The following NTM variants were observed in gnomAD, a reference collection of about 807,000 sequenced individuals.
NTM encodes the protein IgLON family member 2.
NTM carries 13 observed loss-of-function variants against 42.1 expected under a neutral mutation model. That is an observed-to-expected ratio of 0.31 (90% CI 0.20 to 0.49). The LOEUF (loss-of-function observed/expected upper bound fraction) is 0.49, where lower values mean the gene tolerates loss of function less well. Ranked by LOEUF, NTM falls within the 20% of genes least tolerant of loss-of-function variation. The pLI, the probability that NTM is intolerant of heterozygous loss-of-function variation, is 0.99. For synonymous variants in NTM, 187 were observed against 179.2 expected (o/e 1.04, Z -0.35); for missense variants, 373 against 452.8 (o/e 0.82, Z 1.60).
intron 1 of NTM, among the ~76,000 whole-genome samples, chr11:131,772,630 T>C (rs147710444): frequency 2.1e-4 from 32 of 152,290 alleles, no homozygotes; most frequent in Non-Finnish European, 3.5e-4. Flanking sequence ...CTTCCAAGTC[T>C]CTAGATGAAG....
At chr11:131,738,572 CA>C (rs1416533006) in intron 1 of NTM, among the ~76,000 whole-genome samples, 1 of 152,204 alleles carries the variant, frequency 6.6e-6, no homozygotes, top group Non-Finnish European at 1.5e-5. Flanking sequence ...GAGGAATTTT[CA>C]GGGAAACTGT....
intron 1 of NTM, among the ~76,000 whole-genome samples, chr11:131,659,518 GATA>G (rs2067670461): frequency 6.6e-6 from 1 of 152,190 alleles, no homozygotes; most frequent in African/African-American, 2.4e-5. Flanking sequence ...CACTGCTTGT[GATA>G]ATACCAACTC....
At chr11:131,620,759 C>G (rs1031664178) in intron 1 of NTM, among the ~76,000 whole-genome samples, 2 of 152,144 alleles carry the variant, frequency 1.3e-5, no homozygotes, top group African/African-American at 2.4e-5. Context: ...CTTCATAACA[C>G]GTAGTGCTCT....
chr11:132,000,181 C>T (rs2068916242), intron 2 of NTM, among the ~76,000 whole-genome samples: 1 of 152,162 alleles, frequency 6.6e-6, no homozygotes, highest in African/African-American at 2.4e-5. Flanking sequence ...CAGACAGTCC[C>T]TGCCTTTCCC....
intron 2 of NTM, among the ~76,000 whole-genome samples, chr11:132,020,083 A>G (rs1284455644): frequency 1.3e-5 from 2 of 152,068 alleles, no homozygotes; most frequent in African/African-American, 2.4e-5. Flanking sequence ...GAGAATAGGC[A>G]ATATTTGATT....
intron 1 of NTM, chr11:131,877,700 T>C (rs1446489828): frequency 6.6e-6 from 1 of 152,246 alleles, no homozygotes; most frequent in Non-Finnish European, 1.5e-5. Flanking sequence ...TTATTACTCA[T>C]CTTGATGACA....
intron 1 of NTM, among the ~76,000 whole-genome samples, chr11:131,580,823 T>C (rs2058342229): frequency 6.6e-6 from 1 of 152,210 alleles, no homozygotes; most frequent in African/African-American, 2.4e-5. Flanking sequence ...AAAAAGAATC[T>C]TTTTTAGTCC....
chr11:131,846,029 C>G (rs1026108540), intron 1 of NTM, among the ~76,000 whole-genome samples: 1 of 152,136 alleles, frequency 6.6e-6, no homozygotes, highest in Admixed American at 6.5e-5. Context: ...TCTTCTGTGT[C>G]TAATTATGGT....
chr11:132,306,874 C>T (rs886159451), intron 4 of NTM, among the ~76,000 whole-genome samples: 1 of 152,160 alleles, frequency 6.6e-6, no homozygotes, highest in Non-Finnish European at 1.5e-5. Flanking sequence ...ATATCTTGGT[C>T]TTTCAATAAC....
At chr11:132,238,132 C>T (rs573662407) in intron 4 of NTM, among the ~76,000 whole-genome samples, 1 of 152,256 alleles carries the variant, frequency 6.6e-6, no homozygotes, top group South Asian at 2.1e-4. Context: ...CTAAATCACT[C>T]TTAACCTGGA....
At chr11:131,776,399 C>A (rs569382643) in intron 1 of NTM, among the ~76,000 whole-genome samples, 23 of 152,304 alleles carry the variant, frequency 1.5e-4, no homozygotes, top group Admixed American at 7.2e-4. Flanking sequence ...AGCATTCTGG[C>A]TCTTTCCTGC....
At position 132,210,155 on chromosome 11, in the gene NTM, T is replaced by C. The variant is rs575065542; in HGVS notation, c.401-1867T>C. Reference sequence around the variant, plus strand: ...GGGCTCTCCGGCAGGCCCGATCACATTGTAAGCCAGGTGGATGGTGTGCTT... The same window carrying C: ...GGGCTCTCCGGCAGGCCCGATCACACTGTAAGCCAGGTGGATGGTGTGCTT... On this transcript the variant is annotated intron_variant, in intron 3 of 8. Coordinates refer to ENST00000683400, the MANE Select transcript of NTM (RefSeq NM_001352005.2). 2.1e-3 allele frequency among the ~76,000 whole-genome samples: 318 copies of C among 152,252 alleles called. 1 individual carries two copies. Among genetic ancestry groups the C allele is most frequent in the African/African-American group, 7.2e-3 (298 of 41,556 alleles).
intron 1 of NTM, among the ~76,000 whole-genome samples, chr11:131,812,257 TC>T (rs5795744): frequency 0.4 from 59,736 of 150,834 alleles, 13,898 homozygotes; most frequent in Admixed American, 0.57. Flanking sequence ...CCTTATTTTC[TC>T]CTCTAATGAG....
intron 2 of NTM, among the ~76,000 whole-genome samples, chr11:132,109,184 T>C (rs1284548336): frequency 1.2e-5 from 1 of 84,800 alleles, no homozygotes; most frequent in Admixed American, 1.0e-4. Flanking sequence ...TGTGTCTTTA[T>C]AGTAGAATGA....
chr11:131,548,857 T>C (rs182954758), intron 1 of NTM, among the ~76,000 whole-genome samples: 122 of 152,236 alleles, frequency 8.0e-4, no homozygotes, highest in Middle Eastern at 3.4e-3. Flanking sequence ...TACCTGGGAA[T>C]TGGGGACACT....
At chr11:132,078,041 A>C (rs193002558) in intron 2 of NTM, among the ~76,000 whole-genome samples, 11 of 152,256 alleles carry the variant, frequency 7.2e-5, no homozygotes, top group Non-Finnish European at 1.6e-4. Context: ...CACTACAAAT[A>C]AATATACATG....
intron 1 of NTM, among the ~76,000 whole-genome samples, chr11:131,802,844 T>C (rs185668524): frequency 6.6e-6 from 1 of 152,372 alleles, no homozygotes; most frequent in Non-Finnish European, 1.5e-5. Flanking sequence ...CCTCAGATTA[T>C]TGATTGAGCT....
At chr11:132,208,529 A>G (rs1016141776) in intron 3 of NTM, among the ~76,000 whole-genome samples, 10 of 152,190 alleles carry the variant, frequency 6.6e-5, no homozygotes, top group African/African-American at 2.4e-4. Context: ...AGACAATTCT[A>G]GATGATTCTT....
chr11:131,915,301 G>A (rs2056111174), intron 2 of NTM, among the ~76,000 whole-genome samples: 1 of 152,100 alleles, frequency 6.6e-6, no homozygotes, highest in Admixed American at 6.5e-5. Flanking sequence ...ATTCCTCTGT[G>A]GCACTTAATG....
Sources: allele counts gnomAD v4.1 joint callset (sites outside exome capture counted in the v4.1 genomes callset), GRCh38; gene constraint gnomAD v4.1.1; transcripts MANE v1.5; gene names NCBI Gene and HGNC (gene_info 2026-07-23, HGNC 2026-07-21).